DLC1: variants seen among roughly 807,000 people sequenced by gnomAD.
The protein encoded by DLC1 is rho GTPase-activating protein 7.
A neutral mutation model predicts 140.3 loss-of-function variants in DLC1; 54 were observed. The observed-to-expected ratio is 0.38, with a 90% CI of 0.31 to 0.48. DLC1 has a LOEUF of 0.48. Ranked by LOEUF, DLC1 falls within the 20% of genes least tolerant of loss-of-function variation. The pLI is 0.96. For missense variants in DLC1, 2,536 were observed against 1,907.0 expected, an observed-to-expected ratio of 1.33 and a Z score of -6.14; for synonymous variants, 986 against 728.1, an observed-to-expected ratio of 1.35 and a Z score of -5.70.
intron 2 of DLC1, among the ~76,000 whole-genome samples, chr8:13,434,508 G>T (rs1328246062): frequency 6.6e-6 from 1 of 152,092 alleles, no homozygotes; most frequent in Non-Finnish European, 1.5e-5. Context: ...ATGTGTGTAT[G>T]TATATGTTTA....
intron 4 of DLC1, among the ~76,000 whole-genome samples, chr8:13,311,787 GTTTATC>G (rs200926526): frequency 0.012 from 1,794 of 152,264 alleles, 20 homozygotes; most frequent in South Asian, 0.044. Context: ...TATGTCTGTA[GTTTATC>G]TTTAGCAGAA....
intron 1 of DLC1, among the ~76,000 whole-genome samples, chr8:13,585,451 A>C (rs1359189207): frequency 6.6e-6 from 1 of 152,238 alleles, no homozygotes; most frequent in African/African-American, 2.4e-5. Flanking sequence ...ATACATGGCT[A>C]TAGAACAAAC....
intron 4 of DLC1, among the ~76,000 whole-genome samples, chr8:13,321,019 T>A (rs1229201731): frequency 6.6e-6 from 1 of 152,138 alleles, no homozygotes; most frequent in Non-Finnish European, 1.5e-5. Context: ...ACCATGCTTC[T>A]TGTACAGCCC....
intron 1 of DLC1, among the ~76,000 whole-genome samples, chr8:13,502,202 A>T (rs1024641671): frequency 5.3e-5 from 8 of 152,220 alleles, no homozygotes; most frequent in African/African-American, 1.9e-4. Flanking sequence ...ATTTCTGTCA[A>T]ATCAAAGGAA....
chr8:13,551,967 G>GTA (rs1360003784), intron 1 of DLC1, among the ~76,000 whole-genome samples: 1 of 143,892 alleles, frequency 6.9e-6, no homozygotes, highest in Non-Finnish European at 1.5e-5. Flanking sequence ...AGGTGTATAT[G>GTA]TATATGTGTG....
intron 5 of DLC1, among the ~76,000 whole-genome samples, chr8:13,298,379 A>T (rs1478859669): frequency 6.6e-6 from 1 of 152,218 alleles, no homozygotes; most frequent in East Asian, 1.9e-4. Context: ...GTTGAGTAGT[A>T]GGAGTAATGG....
intron 1 of DLC1, among the ~76,000 whole-genome samples, chr8:13,571,356 A>C (rs771725820): frequency 1.1e-4 from 16 of 152,116 alleles, no homozygotes; most frequent in Non-Finnish European, 1.5e-4. Context: ...CCCGTTCAGC[A>C]ATAACTCCCC....
intron 4 of DLC1, among the ~76,000 whole-genome samples, chr8:13,353,728 G>T (rs572036221): frequency 1.2e-4 from 19 of 152,130 alleles, no homozygotes; most frequent in African/African-American, 4.3e-4. Context: ...CTGTTGGCAG[G>T]TGCCTGTAAA....
At chr8:13,285,596 T>C (rs1282263677) in intron 5 of DLC1, among the ~76,000 whole-genome samples, 2 of 152,014 alleles carry the variant, frequency 1.3e-5, no homozygotes, top group African/African-American at 4.8e-5. Context: ...GAAATGCAAA[T>C]TAAAGACATA....
In DLC1 at chr8:13,464,319, T is replaced by C. The variant is rs538025302; in HGVS notation, c.1023+34730A>G. Among the ~76,000 whole-genome samples, 3 of 152,320 alleles carry C rather than the reference T, an allele frequency of 2.0e-5. No homozygotes were observed. The East Asian group carries it at 5.8e-4, about 29-fold the overall frequency. ...TGACTGAATGCATTCATGTATCCTC[T>C]TGACCATGTGTTAGTTAGAATTATA... On this transcript the variant is annotated intron_variant, in intron 2 of 17. Transcript: ENST00000276297.
At chr8:13,470,691 C>A (rs568964840) in intron 2 of DLC1, among the ~76,000 whole-genome samples, 3 of 152,142 alleles carry the variant, frequency 2.0e-5, no homozygotes, top group African/African-American at 4.8e-5. Flanking sequence ...AAAAGTATAG[C>A]CATATAGCCA....
At chr8:13,570,253 C>T (rs10503458) in intron 1 of DLC1, among the ~76,000 whole-genome samples, 7,311 of 151,774 alleles carry the variant, frequency 0.048, 232 homozygotes, top group Non-Finnish European at 0.073. Context: ...TTTTGTGTCA[C>T]TATGGTTTCT....
chr8:13,436,758 T>C (rs538386090), intron 2 of DLC1, among the ~76,000 whole-genome samples: 1 of 152,208 alleles, frequency 6.6e-6, no homozygotes, highest in Non-Finnish European at 1.5e-5. Context: ...ATTCATTTAT[T>C]TGGCATATTT....
chr8:13,523,759 A>G lies in DLC1; in HGVS notation c.-125-23563T>C, dbSNP rs552507886. 1.2e-4 allele frequency among the ~76,000 whole-genome samples: 18 copies of G among 152,322 alleles called. No homozygotes were observed. The South Asian group carries it at 2.7e-3, about 23-fold the overall frequency. On this transcript the variant is annotated intron_variant, in intron 1 of 1. Coordinates refer to the DLC1 transcript ENST00000631382. The stretch of plus-strand genomic sequence containing the variant: ...AAGCCAAGATTGGAGACACAAATAA[A>G]GGAGAGAAAATACATGGCATGGTAA...
intron 1 of DLC1, among the ~76,000 whole-genome samples, chr8:13,553,043 T>C (rs1803916300): frequency 6.6e-6 from 1 of 151,310 alleles, no homozygotes; most frequent in African/African-American, 2.4e-5. Context: ...TTACTTCAGC[T>C]TACAAAATAT....
chr8:13,576,114 T>C (rs1462324102), intron 1 of DLC1, among the ~76,000 whole-genome samples: 1 of 152,224 alleles, frequency 6.6e-6, no homozygotes, highest in African/African-American at 2.4e-5. Flanking sequence ...TCACACTCTT[T>C]ATCAGAATGT....
chr8:13,579,634 T>C (rs1055677493), intron 1 of DLC1, among the ~76,000 whole-genome samples: 1 of 136,926 alleles, frequency 7.3e-6, no homozygotes, highest in African/African-American at 2.7e-5. Flanking sequence ...ATTTATAATA[T>C]ATTTAATATA....
chr8:13,217,779 G>A (rs571430836), intron 5 of DLC1, among the ~76,000 whole-genome samples: 2 of 151,784 alleles, frequency 1.3e-5, no homozygotes, highest in Non-Finnish European at 2.9e-5. Flanking sequence ...CAGAGATTGC[G>A]GTGAGCCGAG....
intron 5 of DLC1, among the ~76,000 whole-genome samples, chr8:13,166,362 G>C (rs1825107469): frequency 6.6e-6 from 1 of 151,746 alleles, no homozygotes; most frequent in Non-Finnish European, 1.5e-5. Context: ...TATTTTTTTA[G>C]ACGGGGTCTG....
Sources: gnomAD v4.1 joint callset for allele counts (sites outside exome capture counted in the v4.1 genomes callset) on GRCh38, gnomAD v4.1.1 for gene constraint, MANE v1.5 for transcripts, NCBI Gene and HGNC (gene_info 2026-07-23, HGNC 2026-07-21) for gene names.